NOL4: variants seen among roughly 807,000 people sequenced by gnomAD.
The protein encoded by NOL4 is cancer/testis antigen 125.
NOL4 carries 17 observed loss-of-function variants against 75.9 expected under a neutral mutation model. That is an observed-to-expected ratio of 0.22 (90% CI 0.15 to 0.34). The LOEUF is 0.34. Among genes scored for constraint, NOL4 ranks in the 10% least tolerant of loss-of-function variants. NOL4 has a pLI of 1.00. For missense variants in NOL4, 614 were observed against 793.5 expected (o/e 0.77, Z 2.72); for synonymous variants, 292 against 289.9 (o/e 1.01, Z -0.07).
intron 1 of NOL4, among the ~76,000 whole-genome samples, chr18:34,134,447 GACACACACACACACACACACACACAC>G (rs199707766): frequency 7.5e-6 from 1 of 134,158 alleles, no homozygotes; most frequent in Admixed American, 7.7e-5. Context: ...GACTCCAAGT[GACACACACACACACACACACACACAC>G]ACACACACAC....
chr18:33,967,160 A>G (rs914563807), intron 6 of NOL4, among the ~76,000 whole-genome samples: 1 of 152,146 alleles, frequency 6.6e-6, no homozygotes, highest in African/African-American at 2.4e-5. Flanking sequence ...TAGAGAGCCT[A>G]GAAATAAAGC....
intron 9 of NOL4, among the ~76,000 whole-genome samples, chr18:33,896,701 T>G (rs1033650459): frequency 6.6e-6 from 1 of 152,118 alleles, no homozygotes; most frequent in Non-Finnish European, 1.5e-5. Context: ...ATCCTGGACA[T>G]ATGAATAGAC....
intron 5 of NOL4, among the ~76,000 whole-genome samples, chr18:34,022,264 A>G (rs1023814976): frequency 2.0e-5 from 3 of 152,080 alleles, no homozygotes; most frequent in Non-Finnish European, 4.4e-5. Context: ...ATGTTAAAAT[A>G]TGTTCAAATG....
intron 10 of NOL4, among the ~76,000 whole-genome samples, chr18:33,861,676 C>T (rs1354653258): frequency 1.3e-5 from 2 of 152,138 alleles, no homozygotes; most frequent in African/African-American, 2.4e-5. Context: ...ACAATTGCTT[C>T]AAAGAGAATA....
At chr18:33,855,311 T>G (rs2062790387) in intron 10 of NOL4, among the ~76,000 whole-genome samples, 1 of 152,122 alleles carries the variant, frequency 6.6e-6, no homozygotes, top group Non-Finnish European at 1.5e-5. Flanking sequence ...CTTGACTGGT[T>G]TGGCTTCATT....
chr18:33,866,553 A>T (rs2063438447), intron 10 of NOL4, among the ~76,000 whole-genome samples: 1 of 152,168 alleles, frequency 6.6e-6, no homozygotes, highest in African/African-American at 2.4e-5. Context: ...GTACTCAGCT[A>T]TGTAAACTGA....
chr18:34,203,811 GC>G (rs1209274368), intron 1 of NOL4, among the ~76,000 whole-genome samples: 1 of 149,474 alleles, frequency 6.7e-6, no homozygotes, highest in Non-Finnish European at 1.5e-5. Flanking sequence ...CCAGCAAGTG[GC>G]CTTGAGAATG....
At chr18:34,198,940 A>G (rs1239477676) in intron 1 of NOL4, among the ~76,000 whole-genome samples, 1 of 151,826 alleles carries the variant, frequency 6.6e-6, no homozygotes. Flanking sequence ...GTATCATTCC[A>G]AAGATATTTT....
chr18:34,011,389 A>T (rs1600242707), intron 6 of NOL4, among the ~76,000 whole-genome samples: 1 of 151,720 alleles, frequency 6.6e-6, no homozygotes, highest in Non-Finnish European at 1.5e-5. Flanking sequence ...TCTAGTATTA[A>T]TTTTTCTTCT....
chr18:33,894,236 C>T (rs546464889), intron 9 of NOL4, among the ~76,000 whole-genome samples: 33 of 152,174 alleles, frequency 2.2e-4, no homozygotes, highest in Non-Finnish European at 4.1e-4. Flanking sequence ...ATTTAAAATG[C>T]TTTTCTGCTA....
intron 1 of NOL4, among the ~76,000 whole-genome samples, chr18:34,196,176 T>G (rs760349533): frequency 6.6e-6 from 1 of 152,156 alleles, no homozygotes; most frequent in Non-Finnish European, 1.5e-5. Flanking sequence ...CATATTTCTC[T>G]AGGACACAGA....
intron 1 of NOL4, among the ~76,000 whole-genome samples, chr18:34,206,638 T>C (rs558415270): frequency 3.2e-4 from 48 of 152,278 alleles, no homozygotes; most frequent in African/African-American, 1.1e-3. Context: ...ACGTGTAATT[T>C]TCCCCTGGCT....
chr18:33,951,571 A>T (rs182241441), intron 8 of NOL4, among the ~76,000 whole-genome samples: 248 of 152,126 alleles, frequency 1.6e-3, no homozygotes, highest in African/African-American at 5.6e-3. Flanking sequence ...TTTTTATTGT[A>T]ATTTCTCCTC....
intron 1 of NOL4, among the ~76,000 whole-genome samples, chr18:34,158,033 C>T (rs2030753399): frequency 6.6e-6 from 1 of 152,084 alleles, no homozygotes; most frequent in South Asian, 2.1e-4. Context: ...AAATAGTTAT[C>T]TTGCATTGTT....
chr18:34,119,429 T>C lies in NOL4; in HGVS notation c.414+10442A>G, dbSNP rs552637466. On this transcript the variant is annotated intron_variant, in intron 2 of 10. Transcript: ENST00000261592. Reference sequence around the variant, plus strand: ...CTATCAATCCTGCAGTACTGCTTGTTTTGCCATGACTCAGGCAATATTAGC... The same window carrying C: ...CTATCAATCCTGCAGTACTGCTTGTCTTGCCATGACTCAGGCAATATTAGC... Among the ~76,000 whole-genome samples, 38 of 152,232 alleles carry C rather than the reference T, an allele frequency of 2.5e-4. 1 individual carries two copies. In the South Asian group the frequency reaches 7.9e-3, roughly 32 times the overall value.
intron 5 of NOL4, among the ~76,000 whole-genome samples, chr18:34,088,511 A>G (rs1212285996): frequency 6.6e-6 from 1 of 152,062 alleles, no homozygotes; most frequent in Non-Finnish European, 1.5e-5. Flanking sequence ...TATTTGAAGG[A>G]TGCCTTTAGC....
At chr18:33,984,856 T>C (rs1382989073) in intron 6 of NOL4, among the ~76,000 whole-genome samples, 1 of 152,206 alleles carries the variant, frequency 6.6e-6, no homozygotes, top group East Asian at 1.9e-4. Context: ...ACCTAGTGAA[T>C]TCTACATTTT....
At chr18:33,891,004 T>C (rs1405758355) in intron 9 of NOL4, among the ~76,000 whole-genome samples, 1 of 151,488 alleles carries the variant, frequency 6.6e-6, no homozygotes, top group Non-Finnish European at 1.5e-5. Flanking sequence ...CAGTGAAAAA[T>C]CTCCCATCTT....
intron 5 of NOL4, among the ~76,000 whole-genome samples, chr18:34,043,619 G>C (rs1223227909): frequency 6.6e-6 from 1 of 151,986 alleles, no homozygotes; most frequent in East Asian, 1.9e-4. Flanking sequence ...AATATTCCTT[G>C]ATCTTTCTTA....
Sources: gnomAD v4.1 joint callset for allele counts (sites outside exome capture counted in the v4.1 genomes callset) on GRCh38, gnomAD v4.1.1 for gene constraint, MANE v1.5 for transcripts, NCBI Gene and HGNC (gene_info 2026-07-23, HGNC 2026-07-21) for gene names.